Variants in GPHN observed in about 807,000 individuals in gnomAD.
GPHN encodes the protein gephyrin.
A neutral mutation model predicts 95.5 loss-of-function variants in GPHN; 17 were observed. That is an observed-to-expected ratio of 0.18 (90% CI 0.12 to 0.27). The LOEUF (loss-of-function observed/expected upper bound fraction) is 0.27, where lower values mean the gene tolerates loss of function less well. Ranked by LOEUF, GPHN falls within the 10% of genes least tolerant of loss-of-function variation. The pLI, the probability that GPHN is intolerant of heterozygous loss-of-function variation, is 1.00. For synonymous variants in GPHN, 320 were observed against 322.5 expected (o/e 0.99, Z 0.08); for missense variants, 660 against 978.1 (o/e 0.67, Z 4.34).
the GPHN span, among the ~76,000 whole-genome samples, chr14:67,405,827 G>A: frequency 6.6e-6 from 1 of 152,180 alleles, no homozygotes. Context: ...CTCAGAATTG[G>A]ACCCTACAGC....
At chr14:66,614,477 T>G (rs769855599) in intron 1 of GPHN, among the ~76,000 whole-genome samples, 25 of 152,120 alleles carry the variant, frequency 1.6e-4, no homozygotes, top group South Asian at 6.2e-4. Context: ...TTAAAACTTA[T>G]TCACTTATTG....
chr14:67,568,838 G>A, the GPHN span, among the ~76,000 whole-genome samples: 2 of 152,192 alleles, frequency 1.3e-5, no homozygotes, highest in African/African-American at 2.4e-5. Flanking sequence ...TGCCCCAAAG[G>A]TGAAGGGTGG....
At chr14:66,679,520 TC>T (rs1318843680) in intron 1 of GPHN, among the ~76,000 whole-genome samples, 1 of 152,210 alleles carries the variant, frequency 6.6e-6, no homozygotes, top group African/African-American at 2.4e-5. Context: ...TTTAACTTTT[TC>T]TGAAAGTATT....
chr14:66,982,531 A>T (rs1386692703), intron 9 of GPHN, among the ~76,000 whole-genome samples: 1 of 152,178 alleles, frequency 6.6e-6, no homozygotes, highest in African/African-American at 2.4e-5. Context: ...TACTTTGTTA[A>T]ATATATTCTA....
the GPHN span, chr14:67,388,376 C>T: frequency 3.4e-6 from 3 of 880,498 alleles, no homozygotes; most frequent in South Asian, 1.3e-5. Context: ...CCTTACAACT[C>T]AGGCCAGCTA....
At chr14:66,912,219 A>G (rs1464251469) in intron 5 of GPHN, among the ~76,000 whole-genome samples, 1 of 151,950 alleles carries the variant, frequency 6.6e-6, no homozygotes, top group African/African-American at 2.4e-5. Context: ...ATCAGGTTCT[A>G]TTGTTAGCTT....
At chr14:67,525,781 C>G in the GPHN span, among the ~76,000 whole-genome samples, 1 of 152,246 alleles carries the variant, frequency 6.6e-6, no homozygotes, top group East Asian at 1.9e-4. Context: ...ACAATTTTGC[C>G]TCCCAAAAGA....
At chr14:66,601,687 AATAG>A (rs1176217342) in intron 1 of GPHN, among the ~76,000 whole-genome samples, 5 of 152,078 alleles carry the variant, frequency 3.3e-5, no homozygotes, top group African/African-American at 1.2e-4. Context: ...AAAAACCAAT[AATAG>A]ATTGACATTT....
At chr14:67,059,015 A>G (rs2075719358) in intron 11 of GPHN, 9 of 151,358 alleles carry the variant, frequency 5.9e-5, no homozygotes, top group Non-Finnish European at 9.4e-5. Flanking sequence ...TAAAAAAAGG[A>G]AAAAAAAAAA....
the GPHN span, among the ~76,000 whole-genome samples, chr14:67,229,952 T>C: frequency 6.6e-6 from 1 of 152,154 alleles, no homozygotes; most frequent in Non-Finnish European, 1.5e-5. Context: ...AAGAAGTTTG[T>C]TTCCAACCTT....
intron 2 of GPHN, among the ~76,000 whole-genome samples, chr14:66,725,595 T>C (rs1056276116): frequency 3.9e-5 from 6 of 152,188 alleles, no homozygotes; most frequent in African/African-American, 1.4e-4. Context: ...GCAATTCTCC[T>C]GCCTCAGCCT....
intron 5 of GPHN, among the ~76,000 whole-genome samples, chr14:66,883,211 T>G (rs2064016099): frequency 6.6e-6 from 1 of 151,912 alleles, no homozygotes; most frequent in Admixed American, 6.6e-5. Context: ...TTTTAAAATC[T>G]TTTTTACTCT....
At chr14:67,241,226 G>A in the GPHN span, 1 of 152,252 alleles carries the variant, frequency 6.6e-6, no homozygotes, top group Non-Finnish European at 1.5e-5. Context: ...AGCCTCTCAC[G>A]GGCGGGGTGG....
intron 3 of GPHN, among the ~76,000 whole-genome samples, chr14:66,789,827 G>T (rs2059909913): frequency 6.6e-6 from 1 of 152,188 alleles, no homozygotes; most frequent in Admixed American, 6.5e-5. Flanking sequence ...AACGTGCAGA[G>T]AGCTGAGTAT....
At chr14:66,897,795 C>A (rs997158621) in intron 5 of GPHN, among the ~76,000 whole-genome samples, 6 of 152,062 alleles carry the variant, frequency 3.9e-5, no homozygotes, top group Admixed American at 1.3e-4. Context: ...CCAAACGATG[C>A]GGTATCTAGG....
chr14:66,777,164 A>T lies in GPHN; in HGVS notation c.201+643A>T, dbSNP rs374689182. On this transcript the variant is annotated intron_variant, in intron 3 of 22. Transcript: ENST00000478722. ...ATATCACCACCGATCCCGCAGAAAT[A>T]CAAACTACCATCAGAGAATACTACA... 8.5e-5 allele frequency among the ~76,000 whole-genome samples: 13 copies of T among 152,200 alleles called. No homozygotes were observed. In the East Asian group the frequency reaches 1.5e-3, roughly 18 times the overall value.
At chr14:67,268,339 G>A in the GPHN span, among the ~76,000 whole-genome samples, 18 of 152,164 alleles carry the variant, frequency 1.2e-4, no homozygotes, top group East Asian at 7.7e-4. Flanking sequence ...TCTGTTACCC[G>A]AAGGGGGTCC....
the GPHN span, among the ~76,000 whole-genome samples, chr14:67,322,762 A>G: frequency 6.9e-6 from 1 of 144,476 alleles, no homozygotes; most frequent in Non-Finnish European, 1.5e-5. Flanking sequence ...GATTTTAACA[A>G]AGAACTCAGC....
rs923694429 is a variant in GPHN at position 67,180,707 on chromosome 14, C to T, written c.2177-97C>T. On this transcript the variant is annotated intron_variant, in intron 22 of 22. Transcript: ENST00000478722. The stretch of plus-strand genomic sequence containing the variant: ...ATCATCCCTTCTCCTCTTGAAGACC[C>T]GCATTTCTGTCTGTTTACATTTTGA... The T allele has an allele frequency of 2.5e-5, 30 of 1,201,222 alleles. No homozygotes were observed. In the South Asian group the frequency reaches 3.0e-4, roughly 12 times the overall value. The allele number at this position is 1,201,222 out of a possible 1,614,324, so 74.4% of individuals were successfully genotyped here. A position where few individuals can be genotyped will look rare whatever the true frequency, so the allele number is the denominator to read the frequency against.
Sources: allele counts gnomAD v4.1 joint callset (sites outside exome capture counted in the v4.1 genomes callset), GRCh38; gene constraint gnomAD v4.1.1; transcripts MANE v1.5; gene names NCBI Gene and HGNC (gene_info 2026-07-23, HGNC 2026-07-21).